Variants in ANXA4 observed in about 807,000 individuals in gnomAD.
ANXA4 encodes 35-beta calcimedin.
In ANXA4, 39 loss-of-function variants were observed where a neutral mutation model predicts 49.8. The ratio of observed to expected loss-of-function variants is 0.78; its 90% CI spans 0.61 to 1.02. ANXA4 has a LOEUF of 1.02. Ranked by LOEUF, ANXA4 falls within the 50% of genes least tolerant of loss-of-function variation. The probability of loss-of-function intolerance (pLI) is 0.00; values close to 1 mark genes in which losing one functional copy is unlikely to be tolerated. For synonymous variants in ANXA4, 134 were observed against 152.5 expected, an observed-to-expected ratio of 0.88 and a Z score of 0.89; for missense variants, 360 against 410.1, an observed-to-expected ratio of 0.88 and a Z score of 1.05.
intron 2 of ANXA4, among the ~76,000 whole-genome samples, chr2:69,714,460 C>G (rs1573135646): frequency 6.6e-6 from 1 of 152,208 alleles, no homozygotes; most frequent in East Asian, 1.9e-4. Context: ...GGGGCTTCGG[C>G]GAGGGCACGT....
chr2:69,680,194 G>C (rs1677548355), intron 2 of ANXA4, among the ~76,000 whole-genome samples: 1 of 152,066 alleles, frequency 6.6e-6, no homozygotes, highest in African/African-American at 2.4e-5. Context: ...TCAGCATTTT[G>C]TAGTTTCCCT....
At chr2:69,822,289 G>T (rs1290831975) in intron 12 of ANXA4, among the ~76,000 whole-genome samples, 1 of 152,052 alleles carries the variant, frequency 6.6e-6, no homozygotes, top group African/African-American at 2.4e-5. Context: ...TGAGGCTGGG[G>T]AGGTCGAGGC....
At chr2:69,780,392 C>T (rs1327546371) in intron 1 of ANXA4, among the ~76,000 whole-genome samples, 2 of 152,134 alleles carry the variant, frequency 1.3e-5, no homozygotes, top group Non-Finnish European at 1.5e-5. Context: ...GATGGGGTTT[C>T]ACCATGTGGG....
chr2:69,818,434 T>A, intron 9 of ANXA4, 165 bp from the exon 10 acceptor site: 1 of 422,894 alleles, frequency 2.4e-6, no homozygotes, highest in Non-Finnish European at 4.4e-6. Context: ...CCCATTCCAC[T>A]CTGCACATCC....
At chr2:69,727,168 C>A (rs1417167508) in intron 3 of ANXA4, among the ~76,000 whole-genome samples, 1 of 152,222 alleles carries the variant, frequency 6.6e-6, no homozygotes, top group Non-Finnish European at 1.5e-5. Context: ...GCCACTGTGC[C>A]TAGCCTCGTT....
chr2:69,769,319 C>T (rs1045984614), intron 1 of ANXA4, among the ~76,000 whole-genome samples: 1 of 152,098 alleles, frequency 6.6e-6, no homozygotes, highest in Admixed American at 6.6e-5. Flanking sequence ...GATATTTAGC[C>T]CTACCTCTTA....
At chr2:69,714,289 G>T (rs1421548088) in intron 2 of ANXA4, among the ~76,000 whole-genome samples, 1 of 151,854 alleles carries the variant, frequency 6.6e-6, no homozygotes, top group East Asian at 1.9e-4. Flanking sequence ...GAGTGGAGAA[G>T]TGACCTTCTA....
At chr2:69,672,481 C>T (rs1377203192) in intron 2 of ANXA4, among the ~76,000 whole-genome samples, 4 of 152,112 alleles carry the variant, frequency 2.6e-5, no homozygotes, top group Non-Finnish European at 5.9e-5. Flanking sequence ...ATCTGCCTGC[C>T]CTGGCCCCCC....
intron 3 of ANXA4, among the ~76,000 whole-genome samples, chr2:69,728,390 G>T (rs919878412): frequency 5.9e-5 from 9 of 152,076 alleles, no homozygotes; most frequent in East Asian, 3.8e-4. Context: ...TAATATAACT[G>T]AATTTATTTA....
intron 2 of ANXA4, among the ~76,000 whole-genome samples, chr2:69,693,520 G>A (rs577767407): frequency 6.6e-6 from 1 of 152,210 alleles, no homozygotes; most frequent in Admixed American, 6.5e-5. Context: ...CACAAGGAGA[G>A]CCAGGAGCAC....
intron 2 of ANXA4, among the ~76,000 whole-genome samples, chr2:69,715,754 A>G (rs781520814): frequency 2.0e-5 from 3 of 152,208 alleles, no homozygotes; most frequent in Non-Finnish European, 2.9e-5. Context: ...TTCTGTGCCT[A>G]TGCACAGAGG....
intron 2 of ANXA4, among the ~76,000 whole-genome samples, chr2:69,714,847 C>T (rs1038998189): frequency 6.6e-6 from 1 of 152,224 alleles, no homozygotes; most frequent in Non-Finnish European, 1.5e-5. Context: ...CCCCCTGCTG[C>T]CCATTCTTGG....
chr2:69,761,008 T>A (rs75655644), intron 1 of ANXA4, among the ~76,000 whole-genome samples: 32,626 of 109,530 alleles, frequency 0.3, 3,988 homozygotes, highest in East Asian at 0.57. Context: ...TTAAATTAAT[T>A]AATTAATTAA....
In ANXA4 at chr2:69,749,613, G is replaced by C. The variant is rs749034311; in HGVS notation, c.-47+7438G>C. On this transcript the variant is annotated intron_variant, in intron 1 of 12. Transcript: ENST00000394295. ...ATTTTTTAAAAAGTAAAGTACAGCT[G>C]TGTGTGGTATGCTACCATTTTGGTG... Among the ~76,000 whole-genome samples, 104 of 152,258 alleles carry C rather than the reference G, an allele frequency of 6.8e-4. 1 individual carries two copies. Among genetic ancestry groups the C allele is most frequent in the Non-Finnish European group, 1.0e-3 (70 of 68,004 alleles).
chr2:69,645,760 G>C (rs1218750104), intron 1 of ANXA4, among the ~76,000 whole-genome samples: 1 of 152,150 alleles, frequency 6.6e-6, no homozygotes, highest in Non-Finnish European at 1.5e-5. Context: ...TAGATTCCTT[G>C]CCCTCCATTC....
At position 69,802,334 on chromosome 2, in the gene ANXA4, G is replaced by A. The variant is rs370022055; in HGVS notation, c.98-2199G>A. Among the ~76,000 whole-genome samples the A allele has an allele frequency of 2.3e-4, 35 of 152,340 alleles. No individual in the cohort carries two copies. The East Asian group carries it at 6.4e-3, about 28-fold the overall frequency. On this transcript the variant is annotated intron_variant, in intron 3 of 12. Coordinates refer to ENST00000394295, the MANE Select transcript of ANXA4 (RefSeq NM_001153.5). ...GAATGGTTGTGATAGGAAATAAAAA[G>A]AGTGAAAGAATGCAAAAGAGGCTGT...
chr2:69,784,028 A>T (rs986506708), intron 2 of ANXA4, among the ~76,000 whole-genome samples: 6 of 152,124 alleles, frequency 3.9e-5, no homozygotes, highest in African/African-American at 7.2e-5. Context: ...TTCATTATTA[A>T]TGTAATAACA....
At chr2:69,669,367 T>C (rs931785229) in intron 2 of ANXA4, among the ~76,000 whole-genome samples, 3 of 151,140 alleles carry the variant, frequency 2.0e-5, no homozygotes, top group African/African-American at 7.3e-5. Flanking sequence ...CCCAACACTT[T>C]GGGAGGCAGA....
chr2:69,656,193 A>ATG (rs1159902039), intron 2 of ANXA4, among the ~76,000 whole-genome samples: 1 of 135,686 alleles, frequency 7.4e-6, no homozygotes, highest in Non-Finnish European at 1.5e-5. Context: ...ATATACGTAT[A>ATG]TATATATATA....
Sources: allele counts gnomAD v4.1 joint callset (sites outside exome capture counted in the v4.1 genomes callset), GRCh38; gene constraint gnomAD v4.1.1; transcripts MANE v1.5; gene names NCBI Gene and HGNC (gene_info 2026-07-23, HGNC 2026-07-21).